VBP1: variants seen among roughly 807,000 people sequenced by gnomAD.
VBP1 encodes the protein prefoldin subunit 3.
VBP1 carries 4 observed loss-of-function variants against 15.5 expected under a neutral mutation model. That is an observed-to-expected ratio of 0.26 (90% CI 0.13 to 0.59). The LOEUF is 0.59. Ranked by LOEUF, VBP1 falls within the 20% of genes least tolerant of loss-of-function variation. The pLI is 0.90. For synonymous variants in VBP1, 61 were observed against 52.1 expected (o/e 1.17, Z -0.74); for missense variants, 108 against 139.6 (o/e 0.77, Z 1.14).
intron 1 of VBP1, among the ~76,000 whole-genome samples, chrX:155,206,300 C>T (rs2074626006): frequency 9.2e-6 from 1 of 109,193 alleles, no homozygotes; most frequent in Admixed American, 9.9e-5. Flanking sequence ...GTGGCACAAT[C>T]TCGACTCACT....
At chrX:155,221,651 G>T (rs782012181) in intron 2 of VBP1, among the ~76,000 whole-genome samples, 2 of 112,073 alleles carry the variant, frequency 1.8e-5, no homozygotes, top group Non-Finnish European at 3.8e-5. Flanking sequence ...AACCTGGAGG[G>T]GCCAAGGAGG....
At chrX:155,199,668 A>G (rs2074593979) in intron 1 of VBP1, among the ~76,000 whole-genome samples, 1 of 112,255 alleles carries the variant, frequency 8.9e-6, no homozygotes, top group African/African-American at 3.2e-5. Flanking sequence ...CAAATTGTAA[A>G]GACCATTGAG....
rs918551715 is a variant in VBP1, at chrX:155,207,296, T to C, written c.-30-1578T>C. On this transcript the variant is annotated intron_variant, in intron 1 of 6. Transcript: ENST00000535916. ...CTTGACTACAGAATGAGAATCCCAC[T>C]CCTCAGGCATGAATAACTATGGACC... Among the ~76,000 whole-genome samples the C allele has an allele frequency of 2.7e-5, 3 of 111,598 alleles. No individual in the cohort carries two copies. In the Admixed American group the frequency reaches 2.9e-4, roughly 11 times the overall value.
At chrX:155,223,105 C>T (rs1270717800) in intron 2 of VBP1, among the ~76,000 whole-genome samples, 1 of 91,023 alleles carries the variant, frequency 1.1e-5, no homozygotes, top group African/African-American at 4.4e-5. Flanking sequence ...AGTTTACATG[C>T]TAGCCTTTTT....
chrX:155,223,837 C>T (rs1412255272), intron 2 of VBP1, among the ~76,000 whole-genome samples: 10 of 108,688 alleles, frequency 9.2e-5, no homozygotes, highest in Non-Finnish European at 1.7e-4. Flanking sequence ...TGCCCCCCAC[C>T]TGCCGGACGG....
chrX:155,234,121 T>G (rs1257587861), intron 4 of VBP1, among the ~76,000 whole-genome samples: 2 of 86,452 alleles, frequency 2.3e-5, no homozygotes, highest in African/African-American at 4.3e-5. Context: ...TTTTTTTTTT[T>G]TTTTTTTTTT....
chrX:155,223,899 G>A (rs1411041926), intron 2 of VBP1, among the ~76,000 whole-genome samples: 5 of 108,896 alleles, frequency 4.6e-5, no homozygotes, highest in African/African-American at 1.7e-4. Context: ...GCGGCTGCCG[G>A]GCGGAGGGGC....
At chrX:155,212,640 G>A (rs890714297), upstream of VBP1, among the ~76,000 whole-genome samples, 7 of 111,944 alleles carry the variant, frequency 6.3e-5, no homozygotes, top group Admixed American at 1.9e-4. Context: ...CTTGTCTAAT[G>A]AGGCACAGCC....
At chrX:155,215,753 G>A (rs1324033068), upstream of VBP1, among the ~76,000 whole-genome samples, 1 of 112,124 alleles carries the variant, frequency 8.9e-6, no homozygotes, top group Non-Finnish European at 1.9e-5. Flanking sequence ...ACTTGGTTCT[G>A]TATGACACAT....
chrX:155,203,492 C>G (rs2074614292), intron 1 of VBP1, among the ~76,000 whole-genome samples: 2 of 108,187 alleles, frequency 1.8e-5, no homozygotes, highest in Non-Finnish European at 3.8e-5. Context: ...TCATCATTCT[C>G]AGTAAAGTAT....
At chrX:155,209,204 G>A (rs782238132) in intron 2 of VBP1, among the ~76,000 whole-genome samples, 1 of 112,239 alleles carries the variant, frequency 8.9e-6, no homozygotes, top group African/African-American at 3.2e-5. Flanking sequence ...GCCTCAACTG[G>A]CTTCTTATAT....
intron 1 of VBP1, among the ~76,000 whole-genome samples, chrX:155,217,077 G>A (rs2074668691): frequency 1.8e-5 from 2 of 112,569 alleles, no homozygotes; most frequent in African/African-American, 6.4e-5. Context: ...AGACCGATGG[G>A]AAAATAGGAT....
rs781846626 is a variant in VBP1 at position 155,201,907 on chromosome X, C to T, written c.-31+4768C>T. ...TCCTTAAGCTAATAAGTAACTTCAG[C>T]AAAGTCTCAGGATACAAAATCAATG... On this transcript the variant is annotated intron_variant, in intron 1 of 6. Coordinates refer to the VBP1 transcript ENST00000535916. Among the ~76,000 whole-genome samples the T allele has an allele frequency of 5.1e-4, 57 of 111,911 alleles. 1 individual carries two copies. Among genetic ancestry groups the T allele is most frequent in the Middle Eastern group, 9.3e-3 (2 of 216 alleles).
chrX:155,225,988 G>A (rs781880222), intron 2 of VBP1, among the ~76,000 whole-genome samples: 20 of 112,010 alleles, frequency 1.8e-4, no homozygotes, highest in Non-Finnish European at 3.4e-4. Context: ...CCAACCTGCT[G>A]CACACATGGA....
intron 1 of VBP1, among the ~76,000 whole-genome samples, chrX:155,198,104 A>G (rs1246336680): frequency 1.8e-5 from 2 of 112,837 alleles, no homozygotes; most frequent in East Asian, 2.8e-4. Context: ...CAAAGCAGCC[A>G]GGAAGCTCGA....
At chrX:155,200,944 C>G (rs1159628313) in intron 1 of VBP1, among the ~76,000 whole-genome samples, 128 of 110,850 alleles carry the variant, frequency 1.2e-3, no homozygotes, top group Non-Finnish European at 1.8e-3. Flanking sequence ...ACCGATCCCA[C>G]AGAAATACAA....
rs994626835 is a variant in VBP1 at position 155,224,505 on chromosome X, G to C, written c.219-2730G>C. On this transcript the variant is annotated intron_variant, in intron 2 of 5. Transcript: ENST00000286428. ...CAATCCCAGGCACTCGGCAGGCTGA[G>C]GCAGGAGAATCAGTCAGGGAGGTTG... 9.8e-5 allele frequency among the ~76,000 whole-genome samples: 11 copies of C among 112,580 alleles called. 1 individual carries two copies. Among genetic ancestry groups the C allele is most frequent in the Admixed American group, 1.9e-4 (2 of 10,717 alleles).
chrX:155,209,802 G>T (rs1213384659), intron 2 of VBP1, among the ~76,000 whole-genome samples: 1 of 111,393 alleles, frequency 9.0e-6, no homozygotes, highest in Non-Finnish European at 1.9e-5. Flanking sequence ...AATGACGAGA[G>T]TTTTGTATTA....
intron 1 of VBP1, among the ~76,000 whole-genome samples, chrX:155,198,096 A>G (rs1350997090): frequency 8.9e-6 from 1 of 112,685 alleles, no homozygotes; most frequent in Non-Finnish European, 1.9e-5. Context: ...TAGGTAAACA[A>G]AGCAGCCAGG....
Sources: allele counts gnomAD v4.1 joint callset (sites outside exome capture counted in the v4.1 genomes callset), GRCh38; gene constraint gnomAD v4.1.1; transcripts MANE v1.5; gene names NCBI Gene and HGNC (gene_info 2026-07-23, HGNC 2026-07-21).